Variants in COBLL1 observed in about 807,000 individuals in gnomAD.
COBLL1 encodes the protein cordon-bleu protein-like 1.
A neutral mutation model predicts 94.8 loss-of-function variants in COBLL1; 50 were observed. That is an observed-to-expected ratio of 0.53 (90% CI 0.42 to 0.67). The LOEUF is 0.67. COBLL1 is among the 30% of genes least tolerant of loss of function. The pLI is 0.00. For synonymous variants in COBLL1, 448 were observed against 473.8 expected (o/e 0.95, Z 0.71); for missense variants, 1,362 against 1,348.7 (o/e 1.01, Z -0.15).
chr2:164,736,310 C>T (rs1425124544), intron 3 of COBLL1, among the ~76,000 whole-genome samples: 1 of 152,100 alleles, frequency 6.6e-6, no homozygotes, highest in African/African-American at 2.4e-5. Context: ...GCAGTGCTCT[C>T]TCTGTGTGTG....
intron 2 of COBLL1, among the ~76,000 whole-genome samples, chr2:164,782,049 C>T (rs1688744211): frequency 1.3e-5 from 2 of 152,114 alleles, no homozygotes; most frequent in Non-Finnish European, 2.9e-5. Flanking sequence ...ACCCTCATAA[C>T]TTAGGACATT....
chr2:164,841,278 G>A lies in COBLL1; in HGVS notation c.-50-32C>T, dbSNP rs1023827207. The A allele has an allele frequency of 2.8e-4, 344 of 1,220,226 alleles. No homozygotes were observed. Among genetic ancestry groups the A allele is most frequent in the Non-Finnish European group, 3.4e-4 (333 of 980,646 alleles). 75.6% of individuals were successfully genotyped at this position (1,220,226 alleles called of 1,614,324 possible). On this transcript the variant is annotated intron_variant, in intron 1 of 13. Coordinates refer to ENST00000652658, the MANE Select transcript of COBLL1 (RefSeq NM_001365672.2). The surrounding 1 kb of genome is among the most constrained non-coding windows in gnomAD (Gnocchi z 5.5). ...TGGGAGAGGCCGGCGGGTCAGGGCG[G>A]GACGCGCGCCTTCCCGAGGCCGGAG... is the stretch of plus-strand genomic sequence containing the variant.
At position 164,682,623 on chromosome 2, in the gene COBLL1, T is replaced by A. The variant is rs1237545224; in HGVS notation, c.*3323A>T. The A allele has an allele frequency of 6.6e-6, 1 of 152,196 alleles. No homozygotes were observed. Among genetic ancestry groups the A allele is most frequent in the Non-Finnish European group, 1.5e-5 (1 of 68,034 alleles). The allele number at this position is 152,196 out of a possible 1,614,324, so 9.4% of individuals were successfully genotyped here. Reference sequence around the variant, plus strand: ...GGAAGAAGGGTCACTCCTCAAAGAATAGGGAGTATATTAGGCAAATAATAC... The same window carrying A: ...GGAAGAAGGGTCACTCCTCAAAGAAAAGGGAGTATATTAGGCAAATAATAC... On this transcript the variant is annotated 3_prime_UTR_variant, in exon 14 of 14. Coordinates refer to ENST00000652658, the MANE Select transcript of COBLL1 (RefSeq NM_001365672.2).
Position 164,695,764 on chromosome 2 carries a change from T to A in COBLL1, c.1628A>T (p.Glu543Val). The A allele has an allele frequency of 6.2e-7, 1 of 1,612,724 alleles. No homozygotes were observed. The highest frequency in any genetic ancestry group is 8.5e-7 in the Non-Finnish European group (1 of 1,179,498). Reference sequence around the variant, plus strand: ...TTTGGCAACACCTTCTACATTGATTTCTGTTTTCTTCACTCCATTTTTCAT... The same window carrying A: ...TTTGGCAACACCTTCTACATTGATTACTGTTTTCTTCACTCCATTTTTCAT... ...DNMKNGVKKT[E>V]INVEGVAKNN... Residue 543 changes from glutamate to valine, a missense_variant, in exon 12 of 14, where the codon GAA (glutamate) becomes GTA (valine). Transcript: ENST00000652658.
chr2:164,715,556 A>C (rs1292834242), intron 7 of COBLL1, among the ~76,000 whole-genome samples: 2 of 152,144 alleles, frequency 1.3e-5, no homozygotes, highest in East Asian at 1.9e-4. Flanking sequence ...AAATAGCAAA[A>C]TATGTACCTG....
At chr2:164,805,487 C>T (rs939685989) in intron 2 of COBLL1, among the ~76,000 whole-genome samples, 10 of 150,192 alleles carry the variant, frequency 6.7e-5, no homozygotes, top group African/African-American at 2.5e-4. Context: ...ATCCCATGAT[C>T]TATCTATTTA....
chr2:164,778,988 A>C (rs1688605941), intron 2 of COBLL1, among the ~76,000 whole-genome samples: 1 of 152,198 alleles, frequency 6.6e-6, no homozygotes, highest in African/African-American at 2.4e-5. Context: ...TAGAAATTAC[A>C]GGAGGAAGAC....
At chr2:164,688,315 C>G (rs1381207274) in intron 13 of COBLL1, among the ~76,000 whole-genome samples, 1 of 152,088 alleles carries the variant, frequency 6.6e-6, no homozygotes, top group Non-Finnish European at 1.5e-5. Flanking sequence ...ATTCTGAGGG[C>G]AGAGATCTTA....
At chr2:164,814,008 T>C (rs1351719820) in intron 2 of COBLL1, among the ~76,000 whole-genome samples, 1 of 152,194 alleles carries the variant, frequency 6.6e-6, no homozygotes, top group African/African-American at 2.4e-5. Context: ...CAGACCCATG[T>C]CTGTGTAACA....
At chr2:164,834,755 G>A (rs753132707) in intron 2 of COBLL1, among the ~76,000 whole-genome samples, 1 of 152,162 alleles carries the variant, frequency 6.6e-6, no homozygotes, top group Non-Finnish European at 1.5e-5. Flanking sequence ...CTGTTTGCCA[G>A]TAAAACTCTA....
chr2:164,782,636 G>A (rs1688771180), intron 2 of COBLL1, among the ~76,000 whole-genome samples: 1 of 152,070 alleles, frequency 6.6e-6, no homozygotes, highest in South Asian at 2.1e-4. Flanking sequence ...AACTGTTACT[G>A]TGTCTTACAC....
intron 2 of COBLL1, among the ~76,000 whole-genome samples, chr2:164,760,377 C>A (rs138933296): frequency 6.6e-6 from 1 of 151,996 alleles, no homozygotes; most frequent in Non-Finnish European, 1.5e-5. Context: ...TCAATGGCAG[C>A]CAAATTTGGA....
At chr2:164,818,401 TAC>T (rs1684953725) in intron 2 of COBLL1, among the ~76,000 whole-genome samples, 1 of 150,240 alleles carries the variant, frequency 6.7e-6, no homozygotes, top group Non-Finnish European at 1.5e-5. Context: ...TATACATGTG[TAC>T]ATATATACAT....
intron 1 of COBLL1, among the ~76,000 whole-genome samples, chr2:164,668,494 G>A (rs1691200036): frequency 6.6e-6 from 1 of 152,202 alleles, no homozygotes; most frequent in Non-Finnish European, 1.5e-5. Flanking sequence ...ACATTTCTCA[G>A]TTGTTTGCTG....
intron 2 of COBLL1, among the ~76,000 whole-genome samples, chr2:164,663,962 T>C (rs187076988): frequency 2.4e-4 from 37 of 152,290 alleles, no homozygotes; most frequent in African/African-American, 6.5e-4. Flanking sequence ...TAAAAATAAA[T>C]GAAAATAAGC....
At chr2:164,703,613 C>A in intron 9 of COBLL1, 1 of 425,570 alleles carries the variant, frequency 2.3e-6, no homozygotes, top group Admixed American at 3.3e-5. Context: ...GCTAAAATTC[C>A]AAATTCTTAA....
At chr2:164,771,700 G>A (rs967825268) in intron 2 of COBLL1, among the ~76,000 whole-genome samples, 6 of 151,870 alleles carry the variant, frequency 4.0e-5, no homozygotes, top group Non-Finnish European at 7.4e-5. Context: ...CCACATATAT[G>A]GTTTATATGC....
chr2:164,671,928 T>C (rs1187118282), intron 1 of COBLL1, among the ~76,000 whole-genome samples: 1 of 152,186 alleles, frequency 6.6e-6, no homozygotes, highest in Non-Finnish European at 1.5e-5. Context: ...TCATGCAATT[T>C]TCTGCATTGC....
At chr2:164,703,061 T>C (rs766717501) in intron 9 of COBLL1, 1 of 1,136,684 alleles carries the variant, frequency 8.8e-7, no homozygotes. Context: ...TATCTTAACC[T>C]GCCTGACACA....
Sources: allele counts gnomAD v4.1 joint callset (sites outside exome capture counted in the v4.1 genomes callset), GRCh38; gene constraint gnomAD v4.1.1; non-coding constraint Gnocchi (gnomAD v3.1); transcripts MANE v1.5; gene names NCBI Gene and HGNC (gene_info 2026-07-23, HGNC 2026-07-21).